Variants in PGLYRP4 observed in about 807,000 individuals in gnomAD.
PGLYRP4 encodes peptidoglycan recognition protein 4.
Under a neutral mutation model 41.2 loss-of-function variants are expected in PGLYRP4, and 39 were observed. The observed-to-expected ratio is 0.95, with a 90% CI of 0.73 to 1.24. The LOEUF is 1.24. Among genes scored for constraint, PGLYRP4 ranks in the 50% most tolerant of loss-of-function variants. The probability of loss-of-function intolerance (pLI) is 0.00; values close to 1 mark genes in which losing one functional copy is unlikely to be tolerated. For synonymous variants in PGLYRP4, 202 were observed against 186.8 expected, an observed-to-expected ratio of 1.08 and a Z score of -0.66; for missense variants, 467 against 460.7, an observed-to-expected ratio of 1.01 and a Z score of -0.13.
intron 5 of PGLYRP4, among the ~76,000 whole-genome samples, chr1:153,342,025 G>A (rs1660824862): frequency 6.6e-6 from 1 of 152,308 alleles, no homozygotes; most frequent in Admixed American, 6.5e-5. Flanking sequence ...CTCCATGAAA[G>A]AGCTCAGAAG....
In PGLYRP4 at chr1:153,331,007, T is replaced by A. The variant is rs534351961; in HGVS notation, c.944-62A>T. 9 of 1,386,956 alleles carry A rather than the reference T, an allele frequency of 6.5e-6. No homozygotes were observed. The African/African-American group carries it at 1.3e-4, about 20-fold the overall frequency. 85.9% of individuals were successfully genotyped at this position (1,386,956 alleles called of 1,614,324 possible). A position where few individuals can be genotyped will look rare whatever the true frequency, so the allele number is the denominator to read the frequency against. The stretch of plus-strand genomic sequence containing the variant: ...AGGGCACCCTGCAAAATAGAACATA[T>A]CCCCAGAACCCACCCTCATCACCAA... On this transcript the variant is annotated intron_variant, in intron 8 of 8. Coordinates refer to ENST00000359650, the MANE Select transcript of PGLYRP4 (RefSeq NM_020393.4).
intron 3 of PGLYRP4, 136 bp from the exon 4 acceptor site, chr1:153,345,518 C>A (rs1380585365): frequency 8.7e-6 from 6 of 692,594 alleles, no homozygotes; most frequent in South Asian, 1.7e-5. Flanking sequence ...CCCTGCCCAC[C>A]TCTACATACC....
At chr1:153,341,137 A>G (rs1660784427) in intron 6 of PGLYRP4, among the ~76,000 whole-genome samples, 3 of 152,196 alleles carry the variant, frequency 2.0e-5, no homozygotes, top group African/African-American at 7.2e-5. Context: ...GTGTGTGTTC[A>G]TGTGTAAACA....
At chr1:153,338,111 C>T (rs538854885) in intron 7 of PGLYRP4, among the ~76,000 whole-genome samples, 4 of 152,304 alleles carry the variant, frequency 2.6e-5, no homozygotes, top group Admixed American at 1.3e-4. Flanking sequence ...CCATCTTCTT[C>T]GTCACCTGTT....
At chr1:153,348,196 G>A (rs569281251) in intron 1 of PGLYRP4, among the ~76,000 whole-genome samples, 18 of 152,190 alleles carry the variant, frequency 1.2e-4, no homozygotes, top group African/African-American at 3.9e-4. Flanking sequence ...ACGTGCCCAC[G>A]GCGTGCAAGG....
chr1:153,345,414 T>C (rs1379207318), intron 3 of PGLYRP4, 32 bp from the exon 4 acceptor site: 1 of 1,585,622 alleles, frequency 6.3e-7, no homozygotes, highest in Non-Finnish European at 8.7e-7. Context: ...ACCTGCCCCA[T>C]CACTACCGCA....
chr1:153,341,825 C>T (rs746176972), intron 5 of PGLYRP4, 46 bp from the exon 6 acceptor site: 13 of 1,577,150 alleles, frequency 8.2e-6, no homozygotes, highest in African/African-American at 1.4e-5. Context: ...GCCTGAGTTT[C>T]AGGGGATCTT....
chr1:153,333,012 G>T (rs1053033386), intron 8 of PGLYRP4, among the ~76,000 whole-genome samples: 12 of 151,696 alleles, frequency 7.9e-5, no homozygotes, highest in Non-Finnish European at 5.9e-5. Context: ...ACTAGCAGAA[G>T]AAATAATAAA....
In PGLYRP4 at chr1:153,347,134, C is replaced by T. The variant is rs368445903; in HGVS notation, c.49+750G>A. On this transcript the variant is annotated intron_variant, in intron 2 of 8. Coordinates refer to ENST00000359650, the MANE Select transcript of PGLYRP4 (RefSeq NM_020393.4). ...CTGTCACCAGGCTGGAGTGCAGTGGCTCAATCTCGGCTCACTACAACCTCT... is the reference window on the plus strand; with the variant it reads ...CTGTCACCAGGCTGGAGTGCAGTGGTTCAATCTCGGCTCACTACAACCTCT... 3.5e-4 allele frequency among the ~76,000 whole-genome samples: 53 copies of T among 151,752 alleles called. No homozygotes were observed. The South Asian group carries it at 0.011, about 31-fold the overall frequency.
intron 8 of PGLYRP4, among the ~76,000 whole-genome samples, chr1:153,336,394 A>G (rs917082134): frequency 1.4e-5 from 2 of 144,148 alleles, no homozygotes; most frequent in Non-Finnish European, 3.1e-5. Context: ...AAAAAAAAAC[A>G]AAGAAAGAAA....
chr1:153,335,657 G>T (rs571391261), intron 8 of PGLYRP4, among the ~76,000 whole-genome samples: 1 of 150,188 alleles, frequency 6.7e-6, no homozygotes, highest in South Asian at 2.1e-4. Flanking sequence ...CCCGGGTGGC[G>T]GAGGTTGCAG....
intron 4 of PGLYRP4, 148 bp from the exon 5 acceptor site, chr1:153,343,356 G>C (rs1307791744): frequency 2.3e-5 from 14 of 612,876 alleles, no homozygotes; most frequent in Admixed American, 1.3e-4. Context: ...ACATTGAAAA[G>C]AGCAAGTCAT....
chr1:153,346,263 A>G, intron 2 of PGLYRP4, 72 bp from the exon 3 acceptor site: 1 of 1,106,730 alleles, frequency 9.0e-7, no homozygotes, highest in Non-Finnish European at 1.4e-6. Flanking sequence ...AGCTCTGAAC[A>G]GAAACAGCCA....
rs1222890311 is a variant in PGLYRP4 at position 153,340,390 on chromosome 1, A to G, written c.815T>C (p.Ile272Thr). 1.2e-6 allele frequency: 2 copies of G among 1,614,020 alleles called. No individual in the cohort carries two copies. The highest frequency in any genetic ancestry group is 1.7e-5 in the Admixed American group (1 of 60,020). ...FYIDRLKSCD[I>T]GYNFLVGQDG... ...ACCCAGACCCACTCACTTATAACCA[A>G]TGTCGCATGACTTGAGCCTGTCTAT... is the stretch of plus-strand genomic sequence containing the variant. Residue 272 changes from isoleucine to threonine, a missense_variant, in exon 7 of 9, where the codon ATT (isoleucine) becomes ACT (threonine). Coordinates refer to ENST00000359650, the MANE Select transcript of PGLYRP4 (RefSeq NM_020393.4).
At chr1:153,338,080 T>C (rs1660641048) in intron 7 of PGLYRP4, among the ~76,000 whole-genome samples, 1 of 152,168 alleles carries the variant, frequency 6.6e-6, no homozygotes, top group South Asian at 2.1e-4. Context: ...TCCATGAAAG[T>C]CCGCACGTTC....
chr1:153,346,538 T>C (rs1214442313), intron 2 of PGLYRP4, among the ~76,000 whole-genome samples: 1 of 151,598 alleles, frequency 6.6e-6, no homozygotes, highest in Non-Finnish European at 1.5e-5. Flanking sequence ...CTCTCTTGTG[T>C]GCATTTTACC....
rs1213345915 is a variant in PGLYRP4 at position 153,345,325 on chromosome 1, A to T, written c.197T>A (p.Val66Asp). 1 of 1,614,084 alleles carries T rather than the reference A, an allele frequency of 6.2e-7. No individual in the cohort carries two copies. Residue 66 changes from valine to aspartate, a missense_variant, in exon 4 of 9, where the codon GTT becomes GAT. Physicochemically the swap from Val to Asp is radical, Grantham distance 152. Transcript: ENST00000359650. The stretch of plus-strand genomic sequence containing the variant: ...CGTGGTCAGCTGAATACTGCAGCCA[A>T]CAGCTTCTGCCCCCCATGCCTTGCG... ...VSRKAWGAEA[V>D]GCSIQLTTPV...
intron 8 of PGLYRP4, 28 bp downstream of exon 8, chr1:153,337,153 G>T (rs2101560001): frequency 7.2e-7 from 1 of 1,397,870 alleles, no homozygotes; most frequent in South Asian, 1.2e-5. Context: ...ACCATGCAAT[G>T]ACCCTACTGA....
At chr1:153,334,835 C>T (rs1897695) in intron 8 of PGLYRP4, among the ~76,000 whole-genome samples, 332 of 151,894 alleles carry the variant, frequency 2.2e-3, no homozygotes, top group African/African-American at 7.3e-3. Context: ...AAATTAGCAT[C>T]GTACTGGTAT....
Sources: gnomAD v4.1 joint callset for allele counts (sites outside exome capture counted in the v4.1 genomes callset) on GRCh38, gnomAD v4.1.1 for gene constraint, MANE v1.5 for transcripts, NCBI Gene and HGNC (gene_info 2026-07-23, HGNC 2026-07-21) for gene names.